The following AGTR1 variants were observed in gnomAD, a reference collection of about 807,000 sequenced individuals.
The protein encoded by AGTR1 is angiotensin II receptor type 1, also known as type-1 angiotensin II receptor.
Under a neutral mutation model 19.4 loss-of-function variants are expected in AGTR1, and 16 were observed. The ratio of observed to expected loss-of-function variants is 0.82; its 90% CI spans 0.56 to 1.25. The LOEUF (loss-of-function observed/expected upper bound fraction) is 1.25. Among genes scored for constraint, AGTR1 ranks in the 50% most tolerant of loss-of-function variants. AGTR1 has a pLI of 0.00. For missense variants in AGTR1, 373 were observed against 431.9 expected (o/e 0.86, Z 1.21); for synonymous variants, 153 against 154.9 (o/e 0.99, Z 0.09).
At chr3:148,703,385 C>T (rs1049957935) in intron 1 of AGTR1, among the ~76,000 whole-genome samples, 1 of 152,154 alleles carries the variant, frequency 6.6e-6, no homozygotes, top group African/African-American at 2.4e-5. Context: ...GATTCAAATG[C>T]ACATTAAGGG....
At chr3:148,717,408 G>A (rs560092979) in intron 2 of AGTR1, among the ~76,000 whole-genome samples, 12 of 152,196 alleles carry the variant, frequency 7.9e-5, no homozygotes, top group African/African-American at 2.9e-4. Flanking sequence ...CTCAAATTTG[G>A]GAGTAATTCC....
intron 1 of AGTR1, among the ~76,000 whole-genome samples, chr3:148,699,255 C>A (rs2640539): frequency 6.6e-6 from 1 of 152,008 alleles, no homozygotes; most frequent in Non-Finnish European, 1.5e-5. Context: ...TTGTGCTTCC[C>A]GCTGAAGATG....
chr3:148,720,063 T>A (rs997233195), intron 2 of AGTR1, among the ~76,000 whole-genome samples: 1 of 152,240 alleles, frequency 6.6e-6, no homozygotes, highest in Non-Finnish European at 1.5e-5. Context: ...TTCAGTGTCA[T>A]CTCTTTATCT....
rs1559934572 is a variant in AGTR1, at chr3:148,741,924, C to T, written c.889C>T (p.Leu297=). The T allele has an allele frequency of 1.2e-6, 2 of 1,613,942 alleles. No homozygotes were observed. Among genetic ancestry groups the T allele is most frequent in the Non-Finnish European group, 1.7e-6 (2 of 1,180,026 alleles). ...TTGTATAGCTTATTTTAACAATTGCCTGAATCCTCTTTTTTATGGCTTTCT... is the reference window on the plus strand; with the variant it reads ...TTGTATAGCTTATTTTAACAATTGCTTGAATCCTCTTTTTTATGGCTTTCT... The part of the protein sequence containing the change: ...TICIAYFNNC[L]NPLFYGFLGK... Residue 297 remains leucine, a synonymous_variant, in exon 3 of 3, where the codon CTG becomes TTG. Transcript: ENST00000349243.
Position 148,741,772 on chromosome 3 carries a change from T to C in AGTR1, c.737T>C (p.Val246Ala). ...ATTTTTAAGATAATTATGGCAATTG[T>C]GCTTTTCTTTTTCTTTTCCTGGATT... ...DDIFKIIMAI[V>A]LFFFFSWIPH... Residue 246 changes from valine (V) to alanine (A), a missense_variant, in exon 3 of 3, where the codon GTG (valine) becomes GCG (alanine). By Grantham distance (64) the Val-to-Ala change is moderately conservative. Transcript: ENST00000349243. The C allele has an allele frequency of 6.2e-7, 1 of 1,613,320 alleles. No homozygotes were observed. The highest frequency in any genetic ancestry group is 8.5e-7 in the Non-Finnish European group (1 of 1,179,920).
At chr3:148,731,405 T>A (rs1156580996) in intron 2 of AGTR1, 1 of 152,224 alleles carries the variant, frequency 6.6e-6, no homozygotes, top group East Asian at 1.9e-4. Context: ...TCAGGGTTAA[T>A]CAAGTGCCTT....
chr3:148,701,500 ATAGT>A (rs1430100528), intron 1 of AGTR1, among the ~76,000 whole-genome samples: 1 of 152,234 alleles, frequency 6.6e-6, no homozygotes, highest in African/African-American at 2.4e-5. Flanking sequence ...CATTATTCTT[ATAGT>A]TAATTTAGAA....
chr3:148,739,297 C>T lies in AGTR1; in HGVS notation c.-47-1692C>T, dbSNP rs142285284. Among the ~76,000 whole-genome samples, 781 of 151,176 alleles carry T rather than the reference C, an allele frequency of 5.2e-3. 4 individuals are homozygous for T. Among genetic ancestry groups the T allele is most frequent in the Non-Finnish European group, 8.8e-3 (600 of 67,848 alleles). On this transcript the variant is annotated intron_variant, in intron 2 of 2. Coordinates refer to ENST00000349243, the MANE Select transcript of AGTR1 (RefSeq NM_000685.5). Reference sequence around the variant, plus strand: ...TCACTTGAACCTGGGAGGTAGAGATCGCAGTGAGCCAAGATCGCACCACTG... The same window carrying T: ...TCACTTGAACCTGGGAGGTAGAGATTGCAGTGAGCCAAGATCGCACCACTG...
chr3:148,721,343 G>A (rs1292157213), intron 2 of AGTR1, among the ~76,000 whole-genome samples: 1 of 152,124 alleles, frequency 6.6e-6, no homozygotes, highest in African/African-American at 2.4e-5. Flanking sequence ...TCATAAATGG[G>A]CAAAGAGGAG....
At chr3:148,739,351 T>C (rs1465506311) in intron 2 of AGTR1, among the ~76,000 whole-genome samples, 1 of 147,010 alleles carries the variant, frequency 6.8e-6, no homozygotes, top group Non-Finnish European at 1.5e-5. Flanking sequence ...ACAGTGACAC[T>C]CTGTCTCAGA....
At chr3:148,706,212 CA>C (rs1397326046) in intron 1 of AGTR1, among the ~76,000 whole-genome samples, 1 of 150,388 alleles carries the variant, frequency 6.6e-6, no homozygotes. Context: ...CCCTTTCTGT[CA>C]TTTTTTTTTC....
intron 2 of AGTR1, chr3:148,739,814 A>C (rs991794390): frequency 1.5e-5 from 18 of 1,231,570 alleles, no homozygotes; most frequent in Non-Finnish European, 1.6e-5. Flanking sequence ...TGCCATTGCA[A>C]GAGAATGCTC....
intron 2 of AGTR1, among the ~76,000 whole-genome samples, chr3:148,721,589 T>G (rs1257219392): frequency 6.6e-6 from 1 of 152,144 alleles, no homozygotes; most frequent in Non-Finnish European, 1.5e-5. Flanking sequence ...GACCTGGGAT[T>G]GTCCCAGCCC....
intron 2 of AGTR1, among the ~76,000 whole-genome samples, chr3:148,726,449 C>T (rs1044962760): frequency 2.6e-5 from 4 of 152,232 alleles, no homozygotes; most frequent in East Asian, 1.9e-4. Context: ...CCTTGTGATC[C>T]GCCCACCTTG....
chr3:148,723,358 T>C (rs1282206362), intron 2 of AGTR1, among the ~76,000 whole-genome samples: 1 of 152,194 alleles, frequency 6.6e-6, no homozygotes, highest in Admixed American at 6.5e-5. Flanking sequence ...TAAAATATTT[T>C]AAAATGTAAA....
chr3:148,733,754 A>ATAAG (rs1249417859), intron 2 of AGTR1, among the ~76,000 whole-genome samples: 2 of 152,224 alleles, frequency 1.3e-5, no homozygotes, highest in African/African-American at 4.8e-5. Context: ...CTATGAGTCT[A>ATAAG]TAAGTTTGAA....
At chr3:148,732,730 A>ATTTTT (rs778034622) in intron 2 of AGTR1, among the ~76,000 whole-genome samples, 26 of 109,946 alleles carry the variant, frequency 2.4e-4, no homozygotes, top group Non-Finnish European at 2.9e-4. Flanking sequence ...GCTTCGGAAA[A>ATTTTT]TTTTTTTTTT....
At chr3:148,706,897 C>T (rs1228268264) in intron 1 of AGTR1, among the ~76,000 whole-genome samples, 3 of 152,022 alleles carry the variant, frequency 2.0e-5, no homozygotes, top group South Asian at 2.1e-4. Flanking sequence ...TTATGAATAT[C>T]TATCAAAAAC....
chr3:148,741,592 C>T lies in AGTR1; in HGVS notation c.557C>T (p.Ser186Phe), dbSNP rs1244351944. The change falls in exon 3 of 3, where the codon TCC (serine) becomes TTC (phenylalanine). Residue 186 changes from serine (S) to phenylalanine (F), a missense_variant. By Grantham distance (155) the Ser-to-Phe change is radical (BLOSUM62 -2). Coordinates refer to ENST00000349243, the MANE Select transcript of AGTR1 (RefSeq NM_000685.5). Reference sequence around the variant, plus strand: ...ACAGTTTGTGCTTTCCATTATGAGTCCCAAAATTCAACCCTCCCGATAGGG... The same window carrying T: ...ACAGTTTGTGCTTTCCATTATGAGTTCCAAAATTCAACCCTCCCGATAGGG... ...NITVCAFHYE[S>F]QNSTLPIGLG... The T allele has an allele frequency of 6.2e-7, 1 of 1,613,960 alleles. No individual in the cohort carries two copies. The highest frequency in any genetic ancestry group is 1.7e-5 in the Admixed American group (1 of 60,008).
Sources: allele counts gnomAD v4.1 joint callset (sites outside exome capture counted in the v4.1 genomes callset), GRCh38; gene constraint gnomAD v4.1.1; transcripts MANE v1.5; gene names NCBI Gene and HGNC (gene_info 2026-07-23, HGNC 2026-07-21).